Variants in KLHL1 observed in about 807,000 individuals in gnomAD.
KLHL1 encodes kelch like family member 1, also known as kelch-like protein 1.
Under a neutral mutation model 77.7 loss-of-function variants are expected in KLHL1, and 47 were observed. That is an observed-to-expected ratio of 0.60 (90% CI 0.48 to 0.77). The LOEUF is 0.77. KLHL1 is among the 30% of genes least tolerant of loss of function. The pLI is 0.00. For missense variants in KLHL1, 925 were observed against 910.8 expected, an observed-to-expected ratio of 1.02 and a Z score of -0.20; for synonymous variants, 360 against 325.2, an observed-to-expected ratio of 1.11 and a Z score of -1.15.
At chr13:70,008,353 T>C (rs1885453882) in intron 1 of KLHL1, among the ~76,000 whole-genome samples, 1 of 152,080 alleles carries the variant, frequency 6.6e-6, no homozygotes, top group South Asian at 2.1e-4. Context: ...CATAGCTTGA[T>C]TTCATGCATG....
chr13:70,008,654 C>T lies in KLHL1; in HGVS notation c.498-32852G>A, dbSNP rs139997379. 3.3e-3 allele frequency among the ~76,000 whole-genome samples: 499 copies of T among 152,156 alleles called. 3 individuals are homozygous for T. The highest frequency in any genetic ancestry group is 0.011 in the African/African-American group (473 of 41,532). On this transcript the variant is annotated intron_variant, in intron 1 of 10. Coordinates refer to ENST00000377844, the MANE Select transcript of KLHL1 (RefSeq NM_020866.3). ...ATTTACAACCCACAATTATTCTCCT[C>T]ACATCTTTTTCCTCTTTTCTCTCAC...
In KLHL1 at chr13:69,815,542, G is replaced by A. The variant is rs150834392; in HGVS notation, c.1415-18580C>T. On this transcript the variant is annotated intron_variant, in intron 6 of 10. Coordinates refer to ENST00000377844, the MANE Select transcript of KLHL1 (RefSeq NM_020866.3). ...TAGAAAAATGGAAACAAGTAACACT[G>A]GGGATTCCAAAACTGGGGAGGGAGG... Among the ~76,000 whole-genome samples the A allele has an allele frequency of 2.7e-3, 406 of 152,252 alleles. 1 individual carries two copies. Among genetic ancestry groups the A allele is most frequent in the Admixed American group, 8.1e-3 (124 of 15,288 alleles).
In KLHL1 at chr13:69,889,192, TCTAA is replaced by T. The variant is rs1446419311; in HGVS notation, c.1015-6701_1015-6698del. ...TGCACTGACATATTGCTGTCAAGAT[TCTAA>T]CTTTCTCAGGGTTTAAAACGAATTT... On this transcript the variant is annotated intron_variant, in intron 4 of 10. Transcript: ENST00000377844. Among the ~76,000 whole-genome samples the T allele has an allele frequency of 2.6e-5, 4 of 152,236 alleles. No individual in the cohort carries two copies. The Middle Eastern group carries it at 0.01, about 388-fold the overall frequency.
chr13:69,930,241 G>A (rs1485344214), intron 4 of KLHL1, among the ~76,000 whole-genome samples: 1 of 151,828 alleles, frequency 6.6e-6, no homozygotes, highest in African/African-American at 2.4e-5. Flanking sequence ...TGTAAAAAAT[G>A]TGAAAGAAAA....
intron 1 of KLHL1, among the ~76,000 whole-genome samples, chr13:70,084,954 G>A (rs190534655): frequency 6.6e-6 from 1 of 152,194 alleles, no homozygotes; most frequent in African/African-American, 2.4e-5. Flanking sequence ...GAAATAAAAT[G>A]TAGGAGAGTT....
intron 1 of KLHL1, among the ~76,000 whole-genome samples, chr13:70,007,760 T>C (rs547813690): frequency 6.6e-6 from 1 of 151,974 alleles, no homozygotes; most frequent in Non-Finnish European, 1.5e-5. Context: ...AATTATTCAC[T>C]AAAACACAGA....
At chr13:69,914,358 A>T (rs1882347712) in intron 4 of KLHL1, among the ~76,000 whole-genome samples, 1 of 152,160 alleles carries the variant, frequency 6.6e-6, no homozygotes, top group African/African-American at 2.4e-5. Context: ...TTATTATCAT[A>T]TGTTTAGTGA....
At chr13:70,021,545 A>C (rs528971233) in intron 1 of KLHL1, among the ~76,000 whole-genome samples, 27 of 152,170 alleles carry the variant, frequency 1.8e-4, no homozygotes, top group African/African-American at 6.3e-4. Flanking sequence ...TGATTGCTGA[A>C]TCTCATGGCA....
chr13:69,986,236 G>A (rs932856021), intron 1 of KLHL1, among the ~76,000 whole-genome samples: 1 of 151,882 alleles, frequency 6.6e-6, no homozygotes, highest in African/African-American at 2.4e-5. Flanking sequence ...GTTAAAGTCA[G>A]GAGGAATAAG....
chr13:69,936,794 A>G (rs1593966024), intron 4 of KLHL1, among the ~76,000 whole-genome samples: 1 of 152,098 alleles, frequency 6.6e-6, no homozygotes, highest in Non-Finnish European at 1.5e-5. Flanking sequence ...CCTTCATTTC[A>G]ACATGAATTT....
At chr13:69,789,309 A>G (rs9572284) in intron 7 of KLHL1, among the ~76,000 whole-genome samples, 56,185 of 151,608 alleles carry the variant, frequency 0.37, 10,667 homozygotes, top group African/African-American at 0.44. Flanking sequence ...TAACTTGACA[A>G]AATAAGTCTT....
chr13:69,718,685 C>T (rs113026904), intron 9 of KLHL1, among the ~76,000 whole-genome samples: 12,804 of 152,082 alleles, frequency 0.084, 662 homozygotes, highest in Non-Finnish European at 0.11. Flanking sequence ...TTCTAAGTAA[C>T]GCACAGCCCA....
intron 7 of KLHL1, among the ~76,000 whole-genome samples, chr13:69,773,486 T>A (rs2137987115): frequency 6.6e-6 from 1 of 152,152 alleles, no homozygotes; most frequent in Admixed American, 6.5e-5. Flanking sequence ...CTTAAGGATG[T>A]CTATATCAAA....
intron 7 of KLHL1, among the ~76,000 whole-genome samples, chr13:69,757,941 G>A (rs1386155415): frequency 1.0e-5 from 1 of 99,232 alleles, no homozygotes; most frequent in African/African-American, 4.0e-5. Context: ...TGAGTAACAA[G>A]AGCGAAACTC....
intron 1 of KLHL1, among the ~76,000 whole-genome samples, chr13:69,979,609 A>G (rs1214518481): frequency 6.6e-6 from 1 of 152,148 alleles, no homozygotes; most frequent in Non-Finnish European, 1.5e-5. Flanking sequence ...GTTTTGTCCG[A>G]TTTTGTACAT....
At chr13:69,770,297 G>C (rs1210143365) in intron 7 of KLHL1, among the ~76,000 whole-genome samples, 1 of 152,222 alleles carries the variant, frequency 6.6e-6, no homozygotes, top group Non-Finnish European at 1.5e-5. Context: ...GCCAAGTGCA[G>C]CCTGCTGGCC....
intron 1 of KLHL1, among the ~76,000 whole-genome samples, chr13:70,104,360 G>A (rs1183573614): frequency 2.0e-5 from 3 of 152,044 alleles, no homozygotes; most frequent in Non-Finnish European, 4.4e-5. Flanking sequence ...GCCCTAAATT[G>A]GTTTACCACA....
At chr13:70,078,279 T>A (rs1269173467) in intron 1 of KLHL1, among the ~76,000 whole-genome samples, 1 of 151,906 alleles carries the variant, frequency 6.6e-6, no homozygotes, top group African/African-American at 2.4e-5. Flanking sequence ...GAAAAGGAGA[T>A]TTAATTTCAT....
At chr13:70,082,766 T>C (rs1015457129) in intron 1 of KLHL1, among the ~76,000 whole-genome samples, 4 of 152,134 alleles carry the variant, frequency 2.6e-5, no homozygotes, top group Non-Finnish European at 5.9e-5. Context: ...GTGGTACATA[T>C]ACCCCATGGA....
Sources: allele counts gnomAD v4.1 joint callset (sites outside exome capture counted in the v4.1 genomes callset), GRCh38; gene constraint gnomAD v4.1.1; transcripts MANE v1.5; gene names NCBI Gene and HGNC (gene_info 2026-07-23, HGNC 2026-07-21).